The following BIN1 variants were observed in gnomAD, a reference collection of about 807,000 sequenced individuals.
The protein encoded by BIN1 is myc box-dependent-interacting protein 1.
BIN1 carries 53 observed loss-of-function variants against 82.0 expected under a neutral mutation model. The ratio of observed to expected loss-of-function variants is 0.65; its 90% CI spans 0.52 to 0.81. The LOEUF (loss-of-function observed/expected upper bound fraction) is 0.81, where lower values mean the gene tolerates loss of function less well. BIN1 is among the 40% of genes least tolerant of loss of function. BIN1 has a pLI of 0.00. For missense variants in BIN1, 642 were observed against 784.4 expected, an observed-to-expected ratio of 0.82 and a Z score of 2.17; for synonymous variants, 302 against 328.0, an observed-to-expected ratio of 0.92 and a Z score of 0.86.
rs1268766992 is a variant in BIN1, at chr2:127,054,022, A to G, written c.1132-10T>C. 2.6e-6 allele frequency: 4 copies of G among 1,549,552 alleles called. No individual in the cohort carries two copies. Among genetic ancestry groups the G allele is most frequent in the Non-Finnish European group, 3.5e-6 (4 of 1,145,686 alleles). ...GCCCCGGGGCCTCAAACTTGGCAGCAGCAGCAGCAGCAGAGGAGGAAGCAG... is the reference window on the plus strand; with the variant it reads ...GCCCCGGGGCCTCAAACTTGGCAGCGGCAGCAGCAGCAGAGGAGGAAGCAG... On this transcript the variant is annotated splice_polypyrimidine_tract_variant and intron_variant, in intron 12 of 18. Transcript: ENST00000316724.
At chr2:127,060,441 C>T (rs2104967296) in intron 10 of BIN1, among the ~76,000 whole-genome samples, 1 of 152,328 alleles carries the variant, frequency 6.6e-6, no homozygotes, top group East Asian at 1.9e-4. Flanking sequence ...CCTCCGCCTT[C>T]CCACCCAACA....
chr2:127,060,488 G>C, intron 10 of BIN1: 1 of 1,526,616 alleles, frequency 6.6e-7, no homozygotes. Flanking sequence ...ACTGCACACA[G>C]AGCCAGATTA....
At chr2:127,102,647 G>C (rs1680500200) in intron 1 of BIN1, among the ~76,000 whole-genome samples, 1 of 152,218 alleles carries the variant, frequency 6.6e-6, no homozygotes. Context: ...CTGTACTCAG[G>C]CCATCCAGGG....
chr2:127,050,941 C>G (rs754740026), intron 16 of BIN1, 29 bp from the exon 17 acceptor site: 2 of 1,608,008 alleles, frequency 1.2e-6, no homozygotes, highest in Non-Finnish European at 1.7e-6. Flanking sequence ...GTCAGCTGAG[C>G]AGGGAGGTGG....
intron 2 of BIN1, among the ~76,000 whole-genome samples, chr2:127,073,245 G>A (rs1430142534): frequency 1.3e-5 from 2 of 152,180 alleles, no homozygotes; most frequent in South Asian, 2.1e-4. Flanking sequence ...GCCCTCCCCC[G>A]ACGGAGGCCC....
intron 1 of BIN1, among the ~76,000 whole-genome samples, chr2:127,095,680 C>A (rs1679503885): frequency 1.3e-5 from 2 of 152,222 alleles, no homozygotes; most frequent in Admixed American, 1.3e-4. Context: ...CAACTTGGGG[C>A]CAAGTCTGAG....
intron 15 of BIN1, 123 bp downstream of exon 15, chr2:127,052,132 G>C (rs1683035618): frequency 9.3e-7 from 1 of 1,074,028 alleles, no homozygotes; most frequent in South Asian, 1.3e-5. Flanking sequence ...TCAGGACCCT[G>C]TCCTCACCCT....
At chr2:127,105,378 G>A (rs900904531) in intron 1 of BIN1, among the ~76,000 whole-genome samples, 1 of 152,054 alleles carries the variant, frequency 6.6e-6, no homozygotes, top group African/African-American at 2.4e-5. Context: ...GCAGCCCGGA[G>A]CAGGGGTGGC....
At chr2:127,106,242 C>T (rs1428389939) in intron 1 of BIN1, among the ~76,000 whole-genome samples, 2 of 152,210 alleles carry the variant, frequency 1.3e-5, no homozygotes, top group Admixed American at 6.5e-5. Context: ...CCTGGGCTCC[C>T]GGTGGGGCCG....
At chr2:127,074,918 G>A (rs931822908) in intron 2 of BIN1, among the ~76,000 whole-genome samples, 1 of 152,170 alleles carries the variant, frequency 6.6e-6, no homozygotes, top group Non-Finnish European at 1.5e-5. Context: ...GGCCAGGCTG[G>A]TCTCAAACTC....
rs191176885 is a variant in BIN1, at chr2:127,093,782, C to T, written c.84+13078G>A. On this transcript the variant is annotated intron_variant, in intron 1 of 18. Coordinates refer to ENST00000316724, the MANE Select transcript of BIN1 (RefSeq NM_139343.3). The surrounding 1 kb of genome is among the most constrained non-coding windows in gnomAD (Gnocchi z 5.7). ...CTGTGGCCCTTATGATGGGTGAGAACGATACCACACGTTTCCGCCCCTGCC... is the reference window on the plus strand; with the variant it reads ...CTGTGGCCCTTATGATGGGTGAGAATGATACCACACGTTTCCGCCCCTGCC... Among the ~76,000 whole-genome samples the T allele has an allele frequency of 5.1e-4, 78 of 152,326 alleles. No individual in the cohort carries two copies. The highest frequency in any genetic ancestry group is 3.4e-3 in the Middle Eastern group (1 of 294).
At chr2:127,085,558 C>T (rs1678028683) in intron 1 of BIN1, among the ~76,000 whole-genome samples, 1 of 152,188 alleles carries the variant, frequency 6.6e-6, no homozygotes, top group South Asian at 2.1e-4. Context: ...CACGAAGAAG[C>T]CACAGAGACA....
intron 14 of BIN1, chr2:127,052,829 TC>T: frequency 4.0e-6 from 1 of 249,148 alleles, no homozygotes; most frequent in Non-Finnish European, 7.9e-6. Flanking sequence ...CATGACCAGT[TC>T]TTGGGCAAGT....
rs1373236551 is a variant in BIN1, at chr2:127,059,895, C to T, written c.858-740G>A. 6.6e-6 allele frequency among the ~76,000 whole-genome samples: 1 copy of T among 152,162 alleles called. No homozygotes were observed. ...TTCTCTACCAGAACCTGCACAGAGA[C>T]GCCTAGAAAAGTGCTGCCCAGTACG... On this transcript the variant is annotated intron_variant, in intron 10 of 18. Coordinates refer to ENST00000316724, the MANE Select transcript of BIN1 (RefSeq NM_139343.3). This position sits in a 1 kb window ranked among gnomAD's most constrained non-coding sequence, Gnocchi z 6.7.
At chr2:127,100,546 CT>C (rs1553487020) in intron 1 of BIN1, among the ~76,000 whole-genome samples, 1 of 152,232 alleles carries the variant, frequency 6.6e-6, no homozygotes, top group Non-Finnish European at 1.5e-5. Context: ...CAGTTTCTTC[CT>C]TTGTGGATGG....
intron 18 of BIN1, among the ~76,000 whole-genome samples, chr2:127,049,954 G>A (rs532367505): frequency 2.0e-5 from 3 of 152,338 alleles, no homozygotes; most frequent in East Asian, 1.9e-4. Context: ...GGCAGGGCCC[G>A]CCTCGAGGGA....
chr2:127,049,151 G>A (rs1682553215), intron 18 of BIN1, among the ~76,000 whole-genome samples: 2 of 152,220 alleles, frequency 1.3e-5, no homozygotes, highest in Admixed American at 6.5e-5. Flanking sequence ...TGGCTGGGCC[G>A]AGGCTGCCCC....
chr2:127,074,837 G>C (rs1412163187), intron 2 of BIN1, among the ~76,000 whole-genome samples: 2 of 152,226 alleles, frequency 1.3e-5, no homozygotes, highest in Non-Finnish European at 2.9e-5. Context: ...CGAGTAGCTA[G>C]GACTACAGGC....
intron 1 of BIN1, among the ~76,000 whole-genome samples, chr2:127,094,844 C>T (rs1380744998): frequency 6.6e-6 from 1 of 152,244 alleles, no homozygotes; most frequent in African/African-American, 2.4e-5. Context: ...TCAACAGACC[C>T]TGCCCACCAG....
Sources: gnomAD v4.1 joint callset for allele counts (sites outside exome capture counted in the v4.1 genomes callset) on GRCh38, gnomAD v4.1.1 for gene constraint, Gnocchi (gnomAD v3.1) non-coding constraint, MANE v1.5 for transcripts, NCBI Gene and HGNC (gene_info 2026-07-23, HGNC 2026-07-21) for gene names.